Variants in PAX7 observed in about 807,000 individuals in gnomAD.
PAX7 encodes the protein paired box protein Pax-7.
Under a neutral mutation model 50.7 loss-of-function variants are expected in PAX7, and 18 were observed. The observed-to-expected ratio is 0.36, with a 90% CI of 0.25 to 0.53. PAX7 has a LOEUF of 0.53. PAX7 is among the 20% of genes least tolerant of loss of function. The probability of loss-of-function intolerance (pLI) is 0.93; values close to 1 mark genes in which losing one functional copy is unlikely to be tolerated. For synonymous variants in PAX7, 310 were observed against 290.4 expected (o/e 1.07, Z -0.69); for missense variants, 644 against 702.9 (o/e 0.92, Z 0.95).
chr1:18,747,263 A>G lies in PAX7; in HGVS notation c.*2334A>G, dbSNP rs1328069780. 2.6e-5 allele frequency: 6 copies of G among 230,016 alleles called. No individual in the cohort carries two copies. The Admixed American group carries it at 3.4e-4, about 13-fold the overall frequency. 14.2% of individuals were successfully genotyped at this position (230,016 alleles called of 1,614,324 possible). ...CAGGAGGCGACATTCCAATGCTAGGACCAATCCCAGATATCTGGTCCCGAT... is the reference window on the plus strand; with the variant it reads ...CAGGAGGCGACATTCCAATGCTAGGGCCAATCCCAGATATCTGGTCCCGAT... On this transcript the variant is annotated 3_prime_UTR_variant, in exon 9 of 9. Transcript: ENST00000420770.
intron 7 of PAX7, among the ~76,000 whole-genome samples, chr1:18,721,331 C>T (rs1346089833): frequency 6.6e-6 from 1 of 152,162 alleles, no homozygotes; most frequent in Non-Finnish European, 1.5e-5. Context: ...AATGTCCCCA[C>T]CCCCAAGGCC....
intron 8 of PAX7, among the ~76,000 whole-genome samples, chr1:18,737,838 T>C (rs770276566): frequency 3.9e-5 from 6 of 152,242 alleles, no homozygotes; most frequent in Non-Finnish European, 8.8e-5. Flanking sequence ...GGCATAGGTA[T>C]GCATATGTCA....
Position 18,746,024 on chromosome 1 carries a change from C to T in PAX7, c.*1095C>T, listed in dbSNP as rs1019427188. 4.3e-6 allele frequency: 1 copy of T among 231,110 alleles called. No homozygotes were observed. The allele number at this position is 231,110 out of a possible 1,614,324, so 14.3% of individuals were successfully genotyped here. ...AGGCCCGAGCCCATCCTTACCATGC[C>T]CCATCCTCTAGGAAGAGGTCTCCAT... On this transcript the variant is annotated 3_prime_UTR_variant, in exon 9 of 9. Transcript: ENST00000420770.
chr1:18,732,834 C>G (rs1370881244), intron 7 of PAX7, among the ~76,000 whole-genome samples: 5 of 152,186 alleles, frequency 3.3e-5, no homozygotes, highest in Admixed American at 3.3e-4. Flanking sequence ...GACTCCTCCC[C>G]TCCCATCATC....
intron 7 of PAX7, among the ~76,000 whole-genome samples, chr1:18,722,899 T>G (rs1294286216): frequency 6.6e-6 from 1 of 152,214 alleles, no homozygotes; most frequent in Non-Finnish European, 1.5e-5. Flanking sequence ...TGCATCCACC[T>G]TTCCTTTCCT....
intron 7 of PAX7, among the ~76,000 whole-genome samples, chr1:18,725,997 CGCGCGCGCGT>C (rs2089564089): frequency 7.4e-6 from 1 of 134,740 alleles, no homozygotes; most frequent in Admixed American, 7.1e-5. Context: ...TGTGTGTGCG[CGCGCGCGCGT>C]GCGCGCGTGT....
intron 7 of PAX7, among the ~76,000 whole-genome samples, chr1:18,709,238 G>C (rs9439681): frequency 0.44 from 66,815 of 151,932 alleles, 16,984 homozygotes; most frequent in Non-Finnish European, 0.59. Context: ...CTGGGGTCTG[G>C]AGGGCTCCTG....
intron 7 of PAX7, among the ~76,000 whole-genome samples, chr1:18,734,325 G>A (rs2089684743): frequency 6.6e-6 from 1 of 152,074 alleles, no homozygotes; most frequent in Non-Finnish European, 1.5e-5. Flanking sequence ...TCCCATAAAG[G>A]GCGGCATCAC....
chr1:18,691,443 A>G (rs1482716933), intron 4 of PAX7, among the ~76,000 whole-genome samples: 2 of 152,240 alleles, frequency 1.3e-5, no homozygotes, highest in Non-Finnish European at 2.9e-5. Flanking sequence ...GTGGAAATAA[A>G]CAAAATGCCC....
At chr1:18,674,600 C>T (rs930622884) in intron 4 of PAX7, among the ~76,000 whole-genome samples, 10 of 152,206 alleles carry the variant, frequency 6.6e-5, no homozygotes, top group African/African-American at 2.4e-4. Flanking sequence ...CTCCTCCAAG[C>T]TGGCCCCCTT....
intron 4 of PAX7, among the ~76,000 whole-genome samples, chr1:18,654,335 G>A (rs1252126495): frequency 1.3e-5 from 2 of 152,224 alleles, no homozygotes; most frequent in African/African-American, 2.4e-5. Context: ...AGAAGGGGAG[G>A]GGTGTCCCCT....
At chr1:18,697,191 A>G (rs1030774243) in intron 5 of PAX7, among the ~76,000 whole-genome samples, 1 of 152,220 alleles carries the variant, frequency 6.6e-6, no homozygotes, top group Non-Finnish European at 1.5e-5. Context: ...GATGGCATCA[A>G]CTGTACCCTA....
At chr1:18,725,113 T>A (rs966677563) in intron 7 of PAX7, among the ~76,000 whole-genome samples, 1 of 152,232 alleles carries the variant, frequency 6.6e-6, no homozygotes, top group Admixed American at 6.5e-5. Flanking sequence ...TATTAATTCA[T>A]TCCACTGAAG....
In PAX7 at chr1:18,632,802, G is replaced by T. The variant is rs1313541225; in HGVS notation, c.85+1114G>T. Among the ~76,000 whole-genome samples the T allele has an allele frequency of 6.6e-6, 1 of 152,208 alleles. No homozygotes were observed. Among genetic ancestry groups the T allele is most frequent in the Non-Finnish European group, 1.5e-5 (1 of 68,034 alleles). ...CGCCGGGTCCCTGAATTAGACAGAGGCGAAGAGAGCGGCTCCGTGATCAAG... is the reference window on the plus strand; with the variant it reads ...CGCCGGGTCCCTGAATTAGACAGAGTCGAAGAGAGCGGCTCCGTGATCAAG... On this transcript the variant is annotated intron_variant, in intron 1 of 8. Coordinates refer to ENST00000420770, the MANE Select transcript of PAX7 (RefSeq NM_001135254.2). This position sits in a 1 kb window ranked among gnomAD's most constrained non-coding sequence, Gnocchi z 6.3.
intron 5 of PAX7, among the ~76,000 whole-genome samples, chr1:18,695,188 G>A (rs1015723873): frequency 6.7e-6 from 1 of 149,606 alleles, no homozygotes; most frequent in African/African-American, 2.5e-5. Context: ...ACCTTGCTCT[G>A]AGGATTAAAT....
Position 18,639,184 on chromosome 1 carries a change from T to C in PAX7, c.586+2813T>C, listed in dbSNP as rs2088208721. Among the ~76,000 whole-genome samples, 3 of 152,152 alleles carry C rather than the reference T, an allele frequency of 2.0e-5. No homozygotes were observed. The East Asian group carries it at 5.8e-4, about 29-fold the overall frequency. Reference sequence around the variant, plus strand: ...GGTAATGAAAACTGGGACTGCTGAATAGGAAACTGTGTTGGAGAGGGGTGT... The same window carrying C: ...GGTAATGAAAACTGGGACTGCTGAACAGGAAACTGTGTTGGAGAGGGGTGT... On this transcript the variant is annotated intron_variant, in intron 4 of 8. Transcript: ENST00000420770.
In PAX7 at chr1:18,745,195, C is replaced by A; in HGVS notation, c.*266C>A. The stretch of plus-strand genomic sequence containing the variant: ...GCCTGAGGTCCTCCCCTGTCAAATC[C>A]CATGGTGGCCTCTGTGCCATCTCAG... On this transcript the variant is annotated 3_prime_UTR_variant, in exon 9 of 9. Coordinates refer to ENST00000420770, the MANE Select transcript of PAX7 (RefSeq NM_001135254.2). 2.0e-6 allele frequency: 1 copy of A among 502,100 alleles called. No homozygotes were observed. The highest frequency in any genetic ancestry group is 2.6e-5 in the South Asian group (1 of 39,130). 31.1% of individuals were successfully genotyped at this position (502,100 alleles called of 1,614,324 possible).
Position 18,706,908 on chromosome 1 carries a change from G to A in PAX7, c.1155+3612G>A, listed in dbSNP as rs565069706. Among the ~76,000 whole-genome samples, 20 of 152,106 alleles carry A rather than the reference G, an allele frequency of 1.3e-4. 1 individual carries two copies. In the South Asian group the frequency reaches 3.1e-3, roughly 24 times the overall value. On this transcript the variant is annotated intron_variant, in intron 7 of 8. Transcript: ENST00000420770. ...TCACGCTGGCCAGCTTGCTACTACC[G>A]TGGGGAAGACATGCCTCCTCCAGTG...
At chr1:18,727,973 A>C (rs766185357) in intron 7 of PAX7, among the ~76,000 whole-genome samples, 2 of 144,834 alleles carry the variant, frequency 1.4e-5, no homozygotes, top group Non-Finnish European at 3.0e-5. Flanking sequence ...GGGGGAAAGG[A>C]GGGGGAGGGT....
Sources: gnomAD v4.1 joint callset for allele counts (sites outside exome capture counted in the v4.1 genomes callset) on GRCh38, gnomAD v4.1.1 for gene constraint, Gnocchi (gnomAD v3.1) non-coding constraint, MANE v1.5 for transcripts, NCBI Gene and HGNC (gene_info 2026-07-23, HGNC 2026-07-21) for gene names.